WWOX: variants seen among roughly 807,000 people sequenced by gnomAD.
The protein encoded by WWOX is WW domain containing oxidoreductase.
A neutral mutation model predicts 46.2 loss-of-function variants in WWOX; 69 were observed. The observed-to-expected ratio is 1.49, with a 90% CI of 1.23 to 1.82. WWOX has a LOEUF of 1.82. Ranked by LOEUF, WWOX falls within the 40% of genes most tolerant of loss-of-function variation. The pLI is 0.00. For synonymous variants in WWOX, 359 were observed against 202.6 expected (o/e 1.77, Z -6.56); for missense variants, 919 against 542.6 (o/e 1.69, Z -6.89).
chr16:78,571,162 G>GA, intron 8 of WWOX, among the ~76,000 whole-genome samples: 1 of 152,340 alleles, frequency 6.6e-6, no homozygotes, highest in East Asian at 1.9e-4. Context: ...CACTGAGGAA[G>GA]AAAGGGGCAG....
chr16:78,133,112 T>C (rs1354396461), intron 4 of WWOX, among the ~76,000 whole-genome samples: 1 of 152,192 alleles, frequency 6.6e-6, no homozygotes, highest in African/African-American at 2.4e-5. Flanking sequence ...GGGAGTGACT[T>C]CTACATGCCG....
chr16:78,710,715 A>T (rs1166063386), intron 8 of WWOX, among the ~76,000 whole-genome samples: 1 of 151,172 alleles, frequency 6.6e-6, no homozygotes, highest in Admixed American at 6.6e-5. Flanking sequence ...CCTGGGCTCA[A>T]CTGATTCTCT....
At chr16:78,288,097 T>G (rs140530493) in intron 5 of WWOX, among the ~76,000 whole-genome samples, 176 of 152,316 alleles carry the variant, frequency 1.2e-3, no homozygotes, top group Non-Finnish European at 1.6e-3. Context: ...AATGATTTTT[T>G]TAATGCCTGC....
chr16:78,612,019 A>T (rs2045912501), intron 8 of WWOX, among the ~76,000 whole-genome samples: 1 of 152,202 alleles, frequency 6.6e-6, no homozygotes, highest in East Asian at 1.9e-4. Flanking sequence ...TTGGCTGAAG[A>T]CTTAAGACTT....
At chr16:78,938,411 C>G (rs1373213979) in intron 8 of WWOX, among the ~76,000 whole-genome samples, 1 of 151,862 alleles carries the variant, frequency 6.6e-6, no homozygotes, top group Admixed American at 6.6e-5. Flanking sequence ...GGCCCAGACA[C>G]AGAGAGCTTG....
At chr16:79,052,024 CT>C (rs1306387245) in intron 8 of WWOX, among the ~76,000 whole-genome samples, 1 of 133,168 alleles carries the variant, frequency 7.5e-6, no homozygotes, top group Non-Finnish European at 1.6e-5. Flanking sequence ...CCTCTTTTTT[CT>C]TTTTTTATTT....
intron 8 of WWOX, among the ~76,000 whole-genome samples, chr16:78,914,943 G>A (rs7205456): frequency 2.7e-5 from 4 of 150,854 alleles, no homozygotes; most frequent in African/African-American, 9.8e-5. Context: ...CTGTGGTCTG[G>A]CCTGGTGGAG....
At chr16:78,825,448 A>T (rs2051625618) in intron 8 of WWOX, 1 of 375,522 alleles carries the variant, frequency 2.7e-6, no homozygotes, top group Admixed American at 2.7e-5. Context: ...CAGAACAAAA[A>T]ATGTTCCTGG....
intron 3 of WWOX, among the ~76,000 whole-genome samples, chr16:78,112,665 T>C (rs2032559570): frequency 6.7e-6 from 1 of 150,302 alleles, no homozygotes; most frequent in African/African-American, 2.4e-5. Flanking sequence ...ATGTTGAAAA[T>C]GTTGAAAATG....
At chr16:78,639,083 C>G (rs1384984818) in intron 8 of WWOX, among the ~76,000 whole-genome samples, 1 of 152,092 alleles carries the variant, frequency 6.6e-6, no homozygotes, top group Non-Finnish European at 1.5e-5. Flanking sequence ...AAAGCTGGGC[C>G]TAAAAGACCA....
At chr16:79,118,396 A>C (rs1419810947) in intron 8 of WWOX, among the ~76,000 whole-genome samples, 1 of 152,234 alleles carries the variant, frequency 6.6e-6, no homozygotes. Flanking sequence ...CACTGATCAC[A>C]GATCACCAAA....
intron 8 of WWOX, among the ~76,000 whole-genome samples, chr16:79,045,141 T>C (rs1196804247): frequency 6.6e-6 from 1 of 152,240 alleles, no homozygotes; most frequent in Non-Finnish European, 1.5e-5. Context: ...TCGTAAATTC[T>C]ATCGCATTAA....
At chr16:78,880,239 G>C (rs1296793698) in intron 8 of WWOX, among the ~76,000 whole-genome samples, 2 of 152,134 alleles carry the variant, frequency 1.3e-5, no homozygotes, top group South Asian at 4.1e-4. Context: ...TTATTAACAT[G>C]AAAACACCTT....
chr16:78,399,799 T>A (rs759808976), intron 6 of WWOX, among the ~76,000 whole-genome samples: 3 of 152,212 alleles, frequency 2.0e-5, no homozygotes, highest in Non-Finnish European at 4.4e-5. Context: ...ACTTACATAA[T>A]TGACATGTTG....
intron 4 of WWOX, among the ~76,000 whole-genome samples, chr16:78,138,734 C>T (rs541105062): frequency 2.0e-5 from 3 of 152,150 alleles, no homozygotes; most frequent in Non-Finnish European, 2.9e-5. Context: ...TGCTGTAGAC[C>T]GTAATCAAGC....
chr16:78,575,212 G>T (rs1339220440), intron 8 of WWOX, among the ~76,000 whole-genome samples: 1 of 145,348 alleles, frequency 6.9e-6, no homozygotes, highest in Non-Finnish European at 1.5e-5. Flanking sequence ...ACCATCTCTG[G>T]GTTAGTTCTG....
chr16:78,750,945 C>T (rs2049462006), intron 8 of WWOX, among the ~76,000 whole-genome samples: 1 of 152,082 alleles, frequency 6.6e-6, no homozygotes, highest in Admixed American at 6.6e-5. Context: ...GGTAGTGCTG[C>T]CAAGAACGTG....
chr16:78,467,796 C>A (rs2084116315), intron 8 of WWOX, among the ~76,000 whole-genome samples: 2 of 152,128 alleles, frequency 1.3e-5, no homozygotes, highest in African/African-American at 4.8e-5. Context: ...TTCTTCCTTA[C>A]TTAGAATTTG....
Position 79,010,889 on chromosome 16 carries a change from G to T in WWOX, c.1057-200719G>T, listed in dbSNP as rs111666952. Among the ~76,000 whole-genome samples the T allele has an allele frequency of 6.4e-3, 976 of 152,074 alleles. 8 individuals are homozygous for T. Among genetic ancestry groups the T allele is most frequent in the African/African-American group, 0.022 (930 of 41,460 alleles). On this transcript the variant is annotated intron_variant, in intron 8 of 8. Coordinates refer to ENST00000566780, the MANE Select transcript of WWOX (RefSeq NM_016373.4). The stretch of plus-strand genomic sequence containing the variant: ...CGGGAGATGGGAACAGAGAGCGAGA[G>T]GGCAGACGGGGTCATGTTGTGTGGG...
Sources: gnomAD v4.1 joint callset for allele counts (sites outside exome capture counted in the v4.1 genomes callset) on GRCh38, gnomAD v4.1.1 for gene constraint, MANE v1.5 for transcripts, NCBI Gene and HGNC (gene_info 2026-07-23, HGNC 2026-07-21) for gene names.